Variants in SLIT2 observed in about 807,000 individuals in gnomAD.
SLIT2 encodes the protein slit homolog 2 protein.
In SLIT2, 41 loss-of-function variants were observed where a neutral mutation model predicts 185.7. The ratio of observed to expected loss-of-function variants is 0.22; its 90% CI spans 0.17 to 0.29. SLIT2 has a LOEUF of 0.29. Ranked by LOEUF, SLIT2 falls within the 10% of genes least tolerant of loss-of-function variation. The pLI is 1.00. For synonymous variants in SLIT2, 693 were observed against 680.2 expected, an observed-to-expected ratio of 1.02 and a Z score of -0.29; for missense variants, 1,571 against 1,909.0, an observed-to-expected ratio of 0.82 and a Z score of 3.30.
At chr4:20,383,217 A>G (rs1724668082) in intron 4 of SLIT2, among the ~76,000 whole-genome samples, 1 of 152,198 alleles carries the variant, frequency 6.6e-6, no homozygotes, top group Admixed American at 6.5e-5. Flanking sequence ...AAGATTTCTT[A>G]AATAGAACAC....
intron 33 of SLIT2, among the ~76,000 whole-genome samples, chr4:20,598,791 C>G (rs1364529912): frequency 6.6e-6 from 1 of 152,160 alleles, no homozygotes; most frequent in African/African-American, 2.4e-5. Context: ...GCAGTAAGTT[C>G]TCAAGGAAAC....
intron 4 of SLIT2, among the ~76,000 whole-genome samples, chr4:20,377,905 A>T (rs1560368964): frequency 6.6e-6 from 1 of 152,154 alleles, no homozygotes; most frequent in Non-Finnish European, 1.5e-5. Flanking sequence ...CCATTATTTT[A>T]AAAATGAAGA....
In SLIT2 at chr4:20,423,934, C is replaced by T. The variant is rs143718268; in HGVS notation, c.396-43818C>T. 9.2e-5 allele frequency among the ~76,000 whole-genome samples: 14 copies of T among 152,090 alleles called. No individual in the cohort carries two copies. The East Asian group carries it at 1.7e-3, about 19-fold the overall frequency. On this transcript the variant is annotated intron_variant, in intron 4 of 36. Transcript: ENST00000504154. Reference sequence around the variant, plus strand: ...TGGCTCATGTGATCAACTTGATATACGAATTTCATATGGTTAAAGAATCTA... The same window carrying T: ...TGGCTCATGTGATCAACTTGATATATGAATTTCATATGGTTAAAGAATCTA...
chr4:20,493,699 T>C (rs1487758678), intron 9 of SLIT2, among the ~76,000 whole-genome samples: 3 of 152,150 alleles, frequency 2.0e-5, no homozygotes, highest in African/African-American at 4.8e-5. Flanking sequence ...CTGTATCCCA[T>C]CTAAAACTAA....
chr4:20,377,152 T>C (rs1247620962), intron 4 of SLIT2, among the ~76,000 whole-genome samples: 1 of 152,116 alleles, frequency 6.6e-6, no homozygotes, highest in Non-Finnish European at 1.5e-5. Flanking sequence ...ATGGAACATA[T>C]TAACAATATT....
chr4:20,351,626 C>T lies in SLIT2; in HGVS notation c.395+82745C>T, dbSNP rs532566787. ...ACAAAGATGAGGACACTGACCATCCCGGGCACAAGATCAGTGAGTGGGGAA... is the reference window on the plus strand; with the variant it reads ...ACAAAGATGAGGACACTGACCATCCTGGGCACAAGATCAGTGAGTGGGGAA... On this transcript the variant is annotated intron_variant, in intron 4 of 36. Coordinates refer to ENST00000504154, the MANE Select transcript of SLIT2 (RefSeq NM_004787.4). 6.6e-5 allele frequency among the ~76,000 whole-genome samples: 10 copies of T among 152,140 alleles called. No individual in the cohort carries two copies. The South Asian group carries it at 1.5e-3, about 22-fold the overall frequency.
At chr4:20,355,354 T>C (rs1195972827) in intron 4 of SLIT2, among the ~76,000 whole-genome samples, 1 of 152,210 alleles carries the variant, frequency 6.6e-6, no homozygotes, top group Non-Finnish European at 1.5e-5. Flanking sequence ...TTTGTGCCTT[T>C]GAGGGTTTTC....
At position 20,484,462 on chromosome 4, in the gene SLIT2, T is replaced by C. The variant is rs1025699721; in HGVS notation, c.540-1738T>C. Among the ~76,000 whole-genome samples, 1 of 152,172 alleles carries C rather than the reference T, an allele frequency of 6.6e-6. No individual in the cohort carries two copies. Among genetic ancestry groups the C allele is most frequent in the Non-Finnish European group, 1.5e-5 (1 of 68,002 alleles). On this transcript the variant is annotated intron_variant, in intron 6 of 36. Coordinates refer to ENST00000504154, the MANE Select transcript of SLIT2 (RefSeq NM_004787.4). The surrounding 1 kb of genome is among the most constrained non-coding windows in gnomAD (Gnocchi z 4.3). ...CATAAAGTGGTTTATTTTTTGTGAC[T>C]TAATTCAAATGACTTAGAATAGTTC...
chr4:20,526,766 T>A (rs1429917216), intron 15 of SLIT2, among the ~76,000 whole-genome samples: 2 of 152,238 alleles, frequency 1.3e-5, no homozygotes. Flanking sequence ...AACATGATAA[T>A]TGTAGAAGCC....
chr4:20,444,591 A>G (rs2148705531), intron 4 of SLIT2, among the ~76,000 whole-genome samples: 1 of 152,344 alleles, frequency 6.6e-6, no homozygotes, highest in East Asian at 1.9e-4. Context: ...ACCGTATCAC[A>G]GTATTCATTT....
At chr4:20,430,966 A>T (rs1364488966) in intron 4 of SLIT2, among the ~76,000 whole-genome samples, 1 of 152,140 alleles carries the variant, frequency 6.6e-6, no homozygotes, top group African/African-American at 2.4e-5. Context: ...AAGAAACCCA[A>T]CTTTCTGTGT....
chr4:20,518,126 TACATATACATATATTTA>T (rs1376931757), intron 11 of SLIT2, among the ~76,000 whole-genome samples: 7 of 143,248 alleles, frequency 4.9e-5, no homozygotes, highest in Admixed American at 2.8e-4. Context: ...TACATATATA[TACATATACATATATTTA>T]TATATATACA....
chr4:20,276,139 A>C (rs1398600907), intron 4 of SLIT2, among the ~76,000 whole-genome samples: 1 of 152,174 alleles, frequency 6.6e-6, no homozygotes, highest in East Asian at 1.9e-4. Context: ...ATTATGTCAA[A>C]ATCCAGTAAA....
chr4:20,356,277 T>G lies in SLIT2; in HGVS notation c.395+87396T>G, dbSNP rs375395070. ...TATGAAAGGCTGTATGTAACCACCTTCTACTCTATTCCTTCCTCTCCACCC... is the reference window on the plus strand; with the variant it reads ...TATGAAAGGCTGTATGTAACCACCTGCTACTCTATTCCTTCCTCTCCACCC... On this transcript the variant is annotated intron_variant, in intron 4 of 36. Coordinates refer to ENST00000504154, the MANE Select transcript of SLIT2 (RefSeq NM_004787.4). Among the ~76,000 whole-genome samples, 17 of 152,302 alleles carry G rather than the reference T, an allele frequency of 1.1e-4. No individual in the cohort carries two copies. The East Asian group carries it at 1.7e-3, about 16-fold the overall frequency.
At chr4:20,526,343 G>C (rs951439028) in intron 15 of SLIT2, among the ~76,000 whole-genome samples, 2 of 152,042 alleles carry the variant, frequency 1.3e-5, no homozygotes, top group African/African-American at 4.8e-5. Flanking sequence ...CAAGTAACAT[G>C]TTGAAAAGAA....
At chr4:20,321,388 A>G (rs1353946376) in intron 4 of SLIT2, among the ~76,000 whole-genome samples, 1 of 152,214 alleles carries the variant, frequency 6.6e-6, no homozygotes, top group African/African-American at 2.4e-5. Context: ...CCCTGCTAGC[A>G]GGAAAATCTT....
At position 20,263,425 on chromosome 4, in the gene SLIT2, C is replaced by A. The variant is rs575710433; in HGVS notation, c.324-5385C>A. Among the ~76,000 whole-genome samples the A allele has an allele frequency of 1.3e-5, 2 of 151,748 alleles. 1 individual carries two copies. The highest frequency in any genetic ancestry group is 4.1e-4 in the South Asian group (2 of 4,834). On this transcript the variant is annotated intron_variant, in intron 3 of 36. Transcript: ENST00000504154. ...CAGATGGACAGTTCTGGAGCATTGG[C>A]TCTTTGCTGCAGTTTGAGGTTCTAG...
intron 9 of SLIT2, among the ~76,000 whole-genome samples, chr4:20,493,567 G>A (rs971585289): frequency 2.6e-5 from 4 of 152,126 alleles, no homozygotes; most frequent in African/African-American, 9.7e-5. Flanking sequence ...CTTACAAAGG[G>A]CATGAAGTTG....
At chr4:20,570,737 A>ATATATATATATATATATATATG (rs1560204511) in intron 29 of SLIT2, among the ~76,000 whole-genome samples, 5 of 77,296 alleles carry the variant, frequency 6.5e-5, no homozygotes, top group African/African-American at 2.5e-4. Flanking sequence ...ATATGTATAT[A>ATATATATATATATATATATATG]TATATATATA....
Sources: gnomAD v4.1 joint callset for allele counts (sites outside exome capture counted in the v4.1 genomes callset) on GRCh38, gnomAD v4.1.1 for gene constraint, Gnocchi (gnomAD v3.1) non-coding constraint, MANE v1.5 for transcripts, NCBI Gene and HGNC (gene_info 2026-07-23, HGNC 2026-07-21) for gene names.